Variants in NOX5 observed in about 807,000 individuals in gnomAD.
NOX5 encodes NADPH oxidase, EF-hand calcium binding domain 5.
A neutral mutation model predicts 85.7 loss-of-function variants in NOX5; 76 were observed. The observed-to-expected ratio is 0.89, with a 90% confidence interval of 0.74 to 1.07. NOX5 has a LOEUF of 1.07. NOX5 is among the 50% of genes least tolerant of loss of function. The pLI is 0.00. For missense variants in NOX5, 973 were observed against 999.5 expected (o/e 0.97, Z 0.36); for synonymous variants, 405 against 401.4 (o/e 1.01, Z -0.11).
intron 2 of NOX5, 114 bp downstream of exon 2, chr15:69,026,765 C>A: frequency 7.0e-6 from 10 of 1,432,762 alleles, no homozygotes; most frequent in Non-Finnish European, 9.6e-6. Context: ...GAGGTCTCCA[C>A]CTTGTAGCGG....
intron 14 of NOX5, among the ~76,000 whole-genome samples, chr15:69,052,161 C>T (rs750663197): frequency 6.6e-5 from 10 of 150,876 alleles, no homozygotes; most frequent in Admixed American, 2.0e-4. Context: ...GAGGCTGCAG[C>T]GAGCCATGAT....
chr15:69,042,947 A>G (rs754599809), intron 10 of NOX5, 142 bp downstream of exon 10: 8 of 852,644 alleles, frequency 9.4e-6, no homozygotes, highest in Non-Finnish European at 1.4e-5. Context: ...GGCAACTGCT[A>G]ACTCCGTGGT....
rs1384239299 is a variant in NOX5 at position 69,038,900 on chromosome 15, GA to G, written c.1416del (p.Arg472SerfsTer8). ...LIKRPPFFHY[R>X]PGDYLYLNIP... ...AAGCGGCCCCCTTTTTTTCACTATA[GA>G]CCTGGTGACTACTTGTATCTGAACA... On this transcript the variant is annotated frameshift_variant, in exon 9 of 16. Coordinates refer to ENST00000388866, the MANE Select transcript of NOX5 (RefSeq NM_024505.4). LOFTEE classifies it high-confidence loss of function. The G allele has an allele frequency of 6.2e-7, 1 of 1,613,814 alleles. No individual in the cohort carries two copies. Among genetic ancestry groups the G allele is most frequent in the Non-Finnish European group, 8.5e-7 (1 of 1,179,998 alleles).
chr15:69,050,720 C>A (rs1414001271), intron 14 of NOX5, among the ~76,000 whole-genome samples: 1 of 152,158 alleles, frequency 6.6e-6, no homozygotes. Context: ...TACTGCACTT[C>A]GTTCTGGTGC....
At position 69,055,399 on chromosome 15, in the gene NOX5, G is replaced by A; in HGVS notation, c.2065G>A (p.Gly689Ser). Residue 689 changes from glycine to serine, a missense_variant, in exon 15 of 16, where the codon GGC becomes AGC. Physicochemically the swap from Gly to Ser is moderately conservative, Grantham distance 56. Transcript: ENST00000388866. ...GGGCAAGAATGACATGAAGGCCATT[G>A]GCCTGCAGATGGCCCTTGACCTCCT... is the stretch of plus-strand genomic sequence containing the variant. ...ALGKNDMKAI[G>S]LQMALDLLAN... 6.2e-7 allele frequency: 1 copy of A among 1,614,202 alleles called. No homozygotes were observed. The highest frequency in any genetic ancestry group is 8.5e-7 in the Non-Finnish European group (1 of 1,180,036).
At chr15:69,051,115 T>C (rs1247102288) in intron 14 of NOX5, among the ~76,000 whole-genome samples, 1 of 152,200 alleles carries the variant, frequency 6.6e-6, no homozygotes, top group Non-Finnish European at 1.5e-5. Context: ...TCTTCCTTTC[T>C]GCAGTTCACT....
chr15:69,048,316 T>C (rs1466493931), intron 13 of NOX5, among the ~76,000 whole-genome samples: 3 of 152,208 alleles, frequency 2.0e-5, no homozygotes, highest in Non-Finnish European at 4.4e-5. Flanking sequence ...GCAGATCACT[T>C]GAGCCCAAGA....
chr15:69,033,416 C>G, intron 5 of NOX5, 139 bp downstream of exon 5: 2 of 972,072 alleles, frequency 2.1e-6, no homozygotes, highest in Non-Finnish European at 3.0e-6. Flanking sequence ...GGCCAACGCT[C>G]AGAGTTGGAG....
At chr15:69,046,903 C>G in intron 11 of NOX5, 37 bp downstream of exon 11, 1 of 1,605,128 alleles carries the variant, frequency 6.2e-7, no homozygotes, top group Non-Finnish European at 8.5e-7. Flanking sequence ...GCAATAATGC[C>G]TGCCCCAACC....
chr15:69,049,558 G>A (rs2050722037), intron 14 of NOX5, among the ~76,000 whole-genome samples: 1 of 152,090 alleles, frequency 6.6e-6, no homozygotes. Flanking sequence ...CTATCCAGAT[G>A]ACATCAGGCA....
intron 10 of NOX5, among the ~76,000 whole-genome samples, chr15:69,044,894 A>C (rs1165013415): frequency 1.3e-5 from 2 of 152,266 alleles, no homozygotes; most frequent in Non-Finnish European, 2.9e-5. Flanking sequence ...CCAGTCCTGC[A>C]TCTCAGCACA....
At chr15:69,055,585 G>T (rs2050802700) in intron 15 of NOX5, 85 bp downstream of exon 15, 2 of 1,482,014 alleles carry the variant, frequency 1.3e-6, no homozygotes, top group South Asian at 1.3e-5. Context: ...GGCCCAAGCT[G>T]TCAGGGGCAA....
Position 69,056,451 on chromosome 15 carries a change from G to A in NOX5, c.2167-114G>A, listed in dbSNP as rs944723992. On this transcript the variant is annotated intron_variant, in intron 15 of 15. Transcript: ENST00000388866. ...CCATGCAGCTCCCTGTGTAAAATGG[G>A]AATGCTCATTGCTGCCGACCCGTTA... 8.1e-6 allele frequency: 11 copies of A among 1,354,580 alleles called. No homozygotes were observed. In the Admixed American group the frequency reaches 2.3e-4, roughly 29 times the overall value. 83.9% of individuals were successfully genotyped at this position (1,354,580 alleles called of 1,614,324 possible).
At chr15:69,039,071 C>CA in intron 9 of NOX5, 82 bp downstream of exon 9, 1 of 1,480,472 alleles carries the variant, frequency 6.8e-7, no homozygotes, top group African/African-American at 1.4e-5. Context: ...AAACTCGGAA[C>CA]ACAGCACTGA....
chr15:69,041,568 A>G (rs193247950), intron 9 of NOX5, among the ~76,000 whole-genome samples: 23 of 152,370 alleles, frequency 1.5e-4, no homozygotes, highest in Admixed American at 3.9e-4. Context: ...GTTGTGGCCA[A>G]TGCTTCAAGA....
intron 14 of NOX5, among the ~76,000 whole-genome samples, chr15:69,051,951 C>A (rs1027785398): frequency 6.6e-6 from 1 of 152,044 alleles, no homozygotes; most frequent in Non-Finnish European, 1.5e-5. Flanking sequence ...TGGTGGCTCA[C>A]GCCTGTAATC....
intron 1 of NOX5, 35 bp downstream of exon 1, chr15:69,014,820 G>A: frequency 7.0e-7 from 1 of 1,436,864 alleles, no homozygotes; most frequent in South Asian, 1.2e-5. Flanking sequence ...TCCATGCCAG[G>A]GACAAGGGAA....
rs778198884 is a variant in NOX5, at chr15:69,042,823, G to A, written c.1647+18G>A. 1.6e-5 allele frequency: 25 copies of A among 1,610,114 alleles called. No individual in the cohort carries two copies. The highest frequency in any genetic ancestry group is 3.3e-4 in the Middle Eastern group (2 of 6,060). On this transcript the variant is annotated intron_variant, in intron 10 of 15. Transcript: ENST00000388866. ...CGTCCAAGGTAGGTGGCTACTGGAG[G>A]GAAGGGGTCCACTCTGCTGGCAAGT...
intron 14 of NOX5, among the ~76,000 whole-genome samples, chr15:69,053,423 T>C (rs542709040): frequency 1.1e-4 from 16 of 152,296 alleles, no homozygotes; most frequent in African/African-American, 3.6e-4. Flanking sequence ...AACTGCTTAA[T>C]ACATTTATTT....
Sources: allele counts gnomAD v4.1 joint callset (sites outside exome capture counted in the v4.1 genomes callset), GRCh38; gene constraint gnomAD v4.1.1; transcripts MANE v1.5; gene names NCBI Gene and HGNC (gene_info 2026-07-23, HGNC 2026-07-21).